The following SMAD2 variants were observed in gnomAD, a reference collection of about 807,000 sequenced individuals.
SMAD2 encodes MAD homolog 2.
A neutral mutation model predicts 64.4 loss-of-function variants in SMAD2; 8 were observed. The observed-to-expected ratio is 0.12, with a 90% CI of 0.07 to 0.22. The LOEUF (loss-of-function observed/expected upper bound fraction) is 0.22, where lower values mean the gene tolerates loss of function less well. SMAD2 is among the 10% of genes least tolerant of loss of function. The pLI is 1.00. For synonymous variants in SMAD2, 203 were observed against 195.8 expected, an observed-to-expected ratio of 1.04 and a Z score of -0.31; for missense variants, 289 against 561.2, an observed-to-expected ratio of 0.51 and a Z score of 4.90.
chr18:47,930,816 G>T (rs1489800243), upstream of SMAD2: 1 of 147,594 alleles, frequency 6.8e-6, no homozygotes, highest in Non-Finnish European at 1.5e-5. Flanking sequence ...GCGGCTGGCG[G>T]GCTGCTGGCT....
chr18:47,854,216 A>C (rs1163434074), intron 6 of SMAD2, among the ~76,000 whole-genome samples: 9 of 152,160 alleles, frequency 5.9e-5, no homozygotes. Context: ...CCTATTTGAG[A>C]TCCAGTGTGA....
At position 47,825,317 on chromosome 18, in the gene SMAD2, A is replaced by G. The variant is rs1912712262; in HGVS notation, c.*16510T>C. On this transcript the variant is annotated 3_prime_UTR_variant, in exon 11 of 11. Coordinates refer to ENST00000262160, the MANE Select transcript of SMAD2 (RefSeq NM_005901.6). ...GTGGTGGTGTTGAGAGCTGGGGCCT[A>G]GTGGGAGATGTTTGGTTCACTGAGG... The G allele has an allele frequency of 6.6e-6, 1 of 152,264 alleles. No individual in the cohort carries two copies. The highest frequency in any genetic ancestry group is 2.4e-5 in the African/African-American group (1 of 41,438). 9.4% of individuals were successfully genotyped at this position (152,264 alleles called of 1,614,324 possible). A position where few individuals can be genotyped will look rare whatever the true frequency, so the allele number is the denominator to read the frequency against.
intron 2 of SMAD2, among the ~76,000 whole-genome samples, chr18:47,883,383 G>C (rs546441534): frequency 6.6e-6 from 1 of 152,296 alleles, no homozygotes; most frequent in South Asian, 2.1e-4. Context: ...TTTTAAAATT[G>C]ATTGAGACTT....
intron 6 of SMAD2, among the ~76,000 whole-genome samples, chr18:47,856,379 T>C (rs1440575183): frequency 2.6e-5 from 4 of 152,198 alleles, no homozygotes; most frequent in African/African-American, 9.7e-5. Flanking sequence ...TGTGAGATGA[T>C]GGATTTAGTT....
At chr18:47,929,902 CAG>C (rs2034929109) in intron 1 of SMAD2, among the ~76,000 whole-genome samples, 1 of 152,164 alleles carries the variant, frequency 6.6e-6, no homozygotes, top group Non-Finnish European at 1.5e-5. Context: ...AGGATGATCA[CAG>C]AGTTATCAGC....
rs1471958601 is a variant in SMAD2 at position 47,814,925 on chromosome 18, G to C, written c.*26902C>G. 2.6e-5 allele frequency: 4 copies of C among 152,452 alleles called. No homozygotes were observed. Among genetic ancestry groups the C allele is most frequent in the African/African-American group, 9.6e-5 (4 of 41,452 alleles). The allele number at this position is 152,452 out of a possible 1,614,324, so 9.4% of individuals were successfully genotyped here. On this transcript the variant is annotated 3_prime_UTR_variant, in exon 11 of 11. Transcript: ENST00000262160. ...CCTTGAGACCAAAGGCAATGACAGAGTTGTGGTCAGGAGCAGGGCATGACA... is the reference window on the plus strand; with the variant it reads ...CCTTGAGACCAAAGGCAATGACAGACTTGTGGTCAGGAGCAGGGCATGACA...
intron 1 of SMAD2, among the ~76,000 whole-genome samples, chr18:47,906,278 T>C (rs1450594605): frequency 6.6e-6 from 1 of 152,066 alleles, no homozygotes; most frequent in Non-Finnish European, 1.5e-5. Context: ...AATGCAAATA[T>C]TCTAAAAATT....
In SMAD2 at chr18:47,850,309, ATGT is replaced by A. The variant is rs1256206714; in HGVS notation, c.784+962_784+964del. 2.8e-4 allele frequency among the ~76,000 whole-genome samples: 17 copies of A among 61,066 alleles called. 3 individuals carry two copies. The highest frequency in any genetic ancestry group is 1.9e-3 in the East Asian group (3 of 1,596). 40.1% of individuals were successfully genotyped at this position (61,066 alleles called of 152,430 possible). A position where few individuals can be genotyped will look rare whatever the true frequency, so the allele number is the denominator to read the frequency against. On this transcript the variant is annotated intron_variant, in intron 7 of 10. Coordinates refer to ENST00000262160, the MANE Select transcript of SMAD2 (RefSeq NM_005901.6). ...ATATTATGTATAATATATATTATGT[ATGT>A]TATATACATATTATGTATAATATAT...
chr18:47,919,601 C>T (rs1397191750), intron 1 of SMAD2, among the ~76,000 whole-genome samples: 3 of 151,850 alleles, frequency 2.0e-5, no homozygotes, highest in Non-Finnish European at 4.4e-5. Context: ...AGAATGACTG[C>T]GGCGTACTAG....
Position 47,824,634 on chromosome 18 carries a change from C to G in SMAD2, c.*17193G>C, listed in dbSNP as rs926636874. The G allele has an allele frequency of 6.6e-6, 1 of 152,098 alleles. No homozygotes were observed. Among genetic ancestry groups the G allele is most frequent in the Admixed American group, 6.5e-5 (1 of 15,274 alleles). The allele number at this position is 152,098 out of a possible 1,614,324, so 9.4% of individuals were successfully genotyped here. A position where few individuals can be genotyped will look rare whatever the true frequency, so the allele number is the denominator to read the frequency against. ...ACCTGAAAACTAAATTCTAGCTGAT[C>G]AATAAAATTCTTTGGTTCTACTGTA... On this transcript the variant is annotated 3_prime_UTR_variant, in exon 11 of 11. Coordinates refer to ENST00000262160, the MANE Select transcript of SMAD2 (RefSeq NM_005901.6).
intron 3 of SMAD2, among the ~76,000 whole-genome samples, chr18:47,870,123 T>C (rs2031844378): frequency 6.6e-6 from 1 of 152,142 alleles, no homozygotes; most frequent in Admixed American, 6.6e-5. Context: ...GATGAGATTC[T>C]GATAACAAGA....
Position 47,914,398 on chromosome 18 carries a change from G to A in SMAD2, c.-54+15963C>T, listed in dbSNP as rs113456364. ...TAAGAGTCCAGTAAGCAAGAATTCC[G>A]AATCCTAAGAACCAACTGGGGTTAG... On this transcript the variant is annotated intron_variant, in intron 1 of 10. Transcript: ENST00000262160. Among the ~76,000 whole-genome samples the A allele has an allele frequency of 6.4e-3, 982 of 152,252 alleles. 10 individuals are homozygous for A. Among genetic ancestry groups the A allele is most frequent in the Middle Eastern group, 0.01 (3 of 294 alleles).
At position 47,850,622 on chromosome 18, in the gene SMAD2, TTA is replaced by T. The variant is rs1175825854; in HGVS notation, c.784+650_784+651del. On this transcript the variant is annotated intron_variant, in intron 7 of 10. Transcript: ENST00000262160. Reference sequence around the variant, plus strand: ...TATTATGTATAATATATATTATATATTATATATATATTATATATATTATGTAT... The same window carrying T: ...TATTATGTATAATATATATTATATATTATATATATTATATATATTATGTAT... 3.7e-3 allele frequency among the ~76,000 whole-genome samples: 99 copies of T among 27,006 alleles called. 5 individuals are homozygous for T. Among genetic ancestry groups the T allele is most frequent in the African/African-American group, 7.9e-3 (45 of 5,708 alleles). The allele number at this position is 27,006 out of a possible 152,430, so 17.7% of individuals were successfully genotyped here. A position where few individuals can be genotyped will look rare whatever the true frequency, so the allele number is the denominator to read the frequency against.
chr18:47,882,105 A>C (rs1274959944), intron 2 of SMAD2, among the ~76,000 whole-genome samples: 1 of 129,042 alleles, frequency 7.7e-6, no homozygotes, highest in African/African-American at 2.9e-5. Flanking sequence ...GCTGGTTTCA[A>C]ACTCCTTAAC....
intron 2 of SMAD2, 82 bp downstream of exon 2, chr18:47,896,439 C>T: frequency 1.4e-6 from 2 of 1,449,720 alleles, no homozygotes; most frequent in South Asian, 2.3e-5. Flanking sequence ...TTACAGGCAA[C>T]TTGAAAGGAA....
intron 1 of SMAD2, among the ~76,000 whole-genome samples, chr18:47,899,363 G>C (rs976456320): frequency 2.0e-5 from 3 of 151,532 alleles, no homozygotes; most frequent in African/African-American, 7.3e-5. Flanking sequence ...ACGCAATGCT[G>C]GTATATGGGA....
intron 1 of SMAD2, chr18:47,922,677 A>C (rs1307074073): frequency 2.0e-5 from 3 of 152,254 alleles, no homozygotes; most frequent in Non-Finnish European, 4.4e-5. Flanking sequence ...AGAAAAAAAC[A>C]GCAGCATCAA....
At position 47,838,933 on chromosome 18, in the gene SMAD2, A is replaced by C. The variant is rs944117142; in HGVS notation, c.*2894T>G. The C allele has an allele frequency of 4.3e-6, 1 of 233,118 alleles. No homozygotes were observed. Among genetic ancestry groups the C allele is most frequent in the Admixed American group, 5.6e-5 (1 of 17,776 alleles). The allele number at this position is 233,118 out of a possible 1,614,324, so 14.4% of individuals were successfully genotyped here. On this transcript the variant is annotated 3_prime_UTR_variant, in exon 11 of 11. Transcript: ENST00000262160. ...AGAATAAATCCTAAGTAATGTTGCT[A>C]ATTTAAATAAAGACAAAAATTCAAC...
intron 1 of SMAD2, among the ~76,000 whole-genome samples, chr18:47,903,940 A>G (rs1453405714): frequency 6.6e-6 from 1 of 150,608 alleles, no homozygotes; most frequent in African/African-American, 2.4e-5. Flanking sequence ...GGGGTGCCAG[A>G]GAAAGATGAA....
Sources: allele counts gnomAD v4.1 joint callset (sites outside exome capture counted in the v4.1 genomes callset), GRCh38; gene constraint gnomAD v4.1.1; transcripts MANE v1.5; gene names NCBI Gene and HGNC (gene_info 2026-07-23, HGNC 2026-07-21).